Variants in ARID1B observed in about 807,000 individuals in gnomAD.
The protein encoded by ARID1B is AT-rich interaction domain 1B, also known as AT-rich interactive domain-containing protein 1B.
ARID1B carries 30 observed loss-of-function variants against 212.3 expected under a neutral mutation model. The observed-to-expected ratio is 0.14, with a 90% CI of 0.11 to 0.19. The LOEUF (loss-of-function observed/expected upper bound fraction) is 0.19. Ranked by LOEUF, ARID1B falls within the 10% of genes least tolerant of loss-of-function variation. ARID1B has a pLI of 1.00. For synonymous variants in ARID1B, 1,402 were observed against 1,301.7 expected, an observed-to-expected ratio of 1.08 and a Z score of -1.66; for missense variants, 2,891 against 3,204.0, an observed-to-expected ratio of 0.90 and a Z score of 2.36.
intron 5 of ARID1B, among the ~76,000 whole-genome samples, chr6:157,093,013 C>CACTGCGTCTGGATTCTGCGTGT (rs1785375125): frequency 6.6e-6 from 1 of 152,192 alleles, no homozygotes; most frequent in African/African-American, 2.4e-5. Flanking sequence ...AGCTGAGTGT[C>CACTGCGTCTGGATTCTGCGTGT]ACTGCGTCTG....
At chr6:157,039,268 T>C (rs1781536774) in intron 4 of ARID1B, among the ~76,000 whole-genome samples, 1 of 151,742 alleles carries the variant, frequency 6.6e-6, no homozygotes, top group African/African-American at 2.4e-5. Flanking sequence ...TAGCTTTTGC[T>C]GATCTATACT....
chr6:156,957,778 C>A (rs1197690915), intron 4 of ARID1B, among the ~76,000 whole-genome samples: 1 of 152,162 alleles, frequency 6.6e-6, no homozygotes, highest in African/African-American at 2.4e-5. Context: ...ATGACTCTCA[C>A]TTTTTAAGGC....
chr6:156,887,696 G>A (rs1256815463), intron 2 of ARID1B, among the ~76,000 whole-genome samples: 2 of 152,044 alleles, frequency 1.3e-5, no homozygotes, highest in African/African-American at 4.8e-5. Flanking sequence ...CCCTCAGAGA[G>A]TGGGCTTTTG....
chr6:156,777,569 T>C lies in ARID1B; in HGVS notation c.-112T>C, dbSNP rs561090892. 1 of 147,448 alleles carries C rather than the reference T, an allele frequency of 6.8e-6. No homozygotes were observed. The highest frequency in any genetic ancestry group is 1.5e-5 in the Non-Finnish European group (1 of 66,960). 9.1% of individuals were successfully genotyped at this position (147,448 alleles called of 1,614,324 possible). On this transcript the variant is annotated 5_prime_UTR_variant, in exon 1 of 20. Coordinates refer to ENST00000636930, the MANE Select transcript of ARID1B (RefSeq NM_001374828.1). The stretch of plus-strand genomic sequence containing the variant: ...GCGGGGCCTGCGGAGGGGGAGGGGG[T>C]CGCGGCTTCCCGGCGGGCCGCGTGG...
chr6:156,889,450 C>CT (rs1787759678), intron 2 of ARID1B, among the ~76,000 whole-genome samples: 1 of 152,226 alleles, frequency 6.6e-6, no homozygotes, highest in Non-Finnish European at 1.5e-5. Flanking sequence ...TACAGTAAGA[C>CT]TTTAGTTCAA....
At chr6:157,088,882 C>T (rs1021633981) in intron 5 of ARID1B, among the ~76,000 whole-genome samples, 1 of 152,144 alleles carries the variant, frequency 6.6e-6, no homozygotes. Context: ...CTCTCCCAGG[C>T]GTGATACTCA....
At chr6:156,895,229 G>A (rs1055890411) in intron 2 of ARID1B, among the ~76,000 whole-genome samples, 6 of 152,136 alleles carry the variant, frequency 3.9e-5, no homozygotes, top group Admixed American at 2.6e-4. Flanking sequence ...GTCCCTTGTA[G>A]GACCCATAGG....
chr6:157,159,510 A>G (rs1790790347), intron 8 of ARID1B, among the ~76,000 whole-genome samples: 1 of 152,202 alleles, frequency 6.6e-6, no homozygotes, highest in Non-Finnish European at 1.5e-5. Context: ...AAATTGCACA[A>G]CAGGTGCCAT....
intron 4 of ARID1B, chr6:156,939,175 C>A (rs1792481215): frequency 6.6e-6 from 1 of 152,156 alleles, no homozygotes; most frequent in Admixed American, 6.5e-5. Flanking sequence ...CTTTCTTAGA[C>A]TATTATCACT....
intron 5 of ARID1B, among the ~76,000 whole-genome samples, chr6:157,090,764 GGT>G (rs1785229090): frequency 6.6e-6 from 1 of 152,216 alleles, no homozygotes; most frequent in Non-Finnish European, 1.5e-5. Flanking sequence ...GATGGGTCAG[GGT>G]GCCTTCAGAG....
intron 3 of ARID1B, among the ~76,000 whole-genome samples, chr6:156,909,081 A>G (rs1789645587): frequency 6.6e-6 from 1 of 150,494 alleles, no homozygotes; most frequent in Non-Finnish European, 1.5e-5. Flanking sequence ...GTATGTGTGT[A>G]TAAAACGTAA....
chr6:156,988,251 A>G lies in ARID1B; in HGVS notation c.2247+52675A>G, dbSNP rs146367708. Among the ~76,000 whole-genome samples, 716 of 152,364 alleles carry G rather than the reference A, an allele frequency of 4.7e-3. 6 individuals carry two copies. The highest frequency in any genetic ancestry group is 0.017 in the Middle Eastern group (5 of 294). ...AAAAAACAGACCAGTAATATGCTAAATAATGTAAACTTTTGGGCCAGTGAC... is the reference window on the plus strand; with the variant it reads ...AAAAAACAGACCAGTAATATGCTAAGTAATGTAAACTTTTGGGCCAGTGAC... On this transcript the variant is annotated intron_variant, in intron 4 of 19. Coordinates refer to ENST00000636930, the MANE Select transcript of ARID1B (RefSeq NM_001374828.1).
At chr6:157,110,393 G>T (rs1786818392) in intron 5 of ARID1B, 79 bp from the exon 6 acceptor site, 1 of 1,220,836 alleles carries the variant, frequency 8.2e-7, no homozygotes, top group Non-Finnish European at 1.2e-6. Flanking sequence ...ATTAAATGTG[G>T]CTGTGTCTTG....
chr6:157,014,116 A>C (rs771857464), intron 4 of ARID1B, among the ~76,000 whole-genome samples: 2 of 152,218 alleles, frequency 1.3e-5, no homozygotes, highest in Non-Finnish European at 2.9e-5. Context: ...TACTGAATCC[A>C]AAGATCGTAG....
chr6:156,885,035 T>G (rs1353884095), intron 2 of ARID1B, among the ~76,000 whole-genome samples: 1 of 152,228 alleles, frequency 6.6e-6, no homozygotes, highest in African/African-American at 2.4e-5. Context: ...TCTTTTAAAT[T>G]TAAAGGATTT....
intron 1 of ARID1B, among the ~76,000 whole-genome samples, chr6:156,785,035 C>T (rs1779542690): frequency 6.6e-6 from 1 of 152,190 alleles, no homozygotes; most frequent in Non-Finnish European, 1.5e-5. Context: ...GCTGGGATTA[C>T]AGATGTGAAC....
intron 7 of ARID1B, chr6:157,141,409 G>C (rs1789341390): frequency 6.6e-6 from 1 of 152,144 alleles, no homozygotes; most frequent in Non-Finnish European, 1.5e-5. Context: ...AATGCATATT[G>C]ACCTAAGAGA....
intron 4 of ARID1B, among the ~76,000 whole-genome samples, chr6:157,008,152 T>A (rs952592200): frequency 6.6e-6 from 1 of 152,180 alleles, no homozygotes; most frequent in Non-Finnish European, 1.5e-5. Context: ...TTTGTTGTGG[T>A]AAAATATACA....
chr6:157,025,765 C>G (rs1780618552), intron 4 of ARID1B, among the ~76,000 whole-genome samples: 1 of 152,184 alleles, frequency 6.6e-6, no homozygotes, highest in Non-Finnish European at 1.5e-5. Context: ...GAAAGCCTCC[C>G]TAAACACTCT....
Sources: allele counts gnomAD v4.1 joint callset (sites outside exome capture counted in the v4.1 genomes callset), GRCh38; gene constraint gnomAD v4.1.1; transcripts MANE v1.5; gene names NCBI Gene and HGNC (gene_info 2026-07-23, HGNC 2026-07-21).